CNTLN: variants seen among roughly 807,000 people sequenced by gnomAD.
The protein encoded by CNTLN is centlein, centrosomal protein.
CNTLN carries 212 observed loss-of-function variants against 180.0 expected under a neutral mutation model. The ratio of observed to expected loss-of-function variants is 1.18; its 90% CI spans 1.05 to 1.32. The LOEUF (loss-of-function observed/expected upper bound fraction) is 1.32. Among genes scored for constraint, CNTLN ranks in the 40% most tolerant of loss-of-function variants. CNTLN has a pLI of 0.00. For missense variants in CNTLN, 2,095 were observed against 1,610.9 expected, an observed-to-expected ratio of 1.30 and a Z score of -5.14; for synonymous variants, 722 against 563.1, an observed-to-expected ratio of 1.28 and a Z score of -3.99.
chr9:17,485,844 C>A (rs1368113976), intron 24 of CNTLN, among the ~76,000 whole-genome samples: 1 of 152,042 alleles, frequency 6.6e-6, no homozygotes, highest in Non-Finnish European at 1.5e-5. Context: ...AAAAAAAGCC[C>A]TCTTTGAATG....
At chr9:17,182,058 T>A (rs1563856148) in intron 2 of CNTLN, among the ~76,000 whole-genome samples, 3 of 152,164 alleles carry the variant, frequency 2.0e-5, no homozygotes, top group Non-Finnish European at 4.4e-5. Flanking sequence ...CTGAAATTCT[T>A]CTGGCAGCAA....
intron 2 of CNTLN, among the ~76,000 whole-genome samples, chr9:17,171,238 G>C (rs748442732): frequency 6.6e-6 from 1 of 151,986 alleles, no homozygotes; most frequent in Non-Finnish European, 1.5e-5. Flanking sequence ...TGGTTTTTTT[G>C]TGTTTGTTGC....
chr9:17,464,940 A>G (rs1831660512), intron 21 of CNTLN, among the ~76,000 whole-genome samples: 1 of 151,234 alleles, frequency 6.6e-6, no homozygotes, highest in African/African-American at 2.4e-5. Context: ...AATTTATGAT[A>G]GAATCAAGCT....
chr9:17,354,076 C>T (rs974969531), intron 12 of CNTLN, among the ~76,000 whole-genome samples: 5 of 152,226 alleles, frequency 3.3e-5, no homozygotes, highest in Admixed American at 6.5e-5. Context: ...ACTTAGCACC[C>T]GGGCCAGTGG....
intron 2 of CNTLN, among the ~76,000 whole-genome samples, chr9:17,203,202 T>A (rs879807051): frequency 2.6e-5 from 4 of 152,202 alleles, no homozygotes; most frequent in Non-Finnish European, 5.9e-5. Context: ...TGCAGAGAGA[T>A]CCACTGTTAG....
At chr9:17,220,310 G>A (rs944816861) in intron 2 of CNTLN, among the ~76,000 whole-genome samples, 3 of 152,016 alleles carry the variant, frequency 2.0e-5, no homozygotes, top group African/African-American at 2.4e-5. Flanking sequence ...AGTATTATCC[G>A]TATCTCATTT....
rs181574204 is a variant in CNTLN, at chr9:17,290,863, C to T, written c.984-7327C>T. ...GGTGAGGCAATGCCTCGCCCTGCTT[C>T]GGCTCGCGCATGGTGCGTGCACCCA... On this transcript the variant is annotated intron_variant, in intron 6 of 25. Transcript: ENST00000380647. Among the ~76,000 whole-genome samples, 69 of 152,348 alleles carry T rather than the reference C, an allele frequency of 4.5e-4. 1 individual carries two copies. The highest frequency in any genetic ancestry group is 3.6e-3 in the Admixed American group (55 of 15,304).
chr9:17,467,750 G>C (rs926438689), intron 23 of CNTLN, among the ~76,000 whole-genome samples: 1 of 151,512 alleles, frequency 6.6e-6, no homozygotes, highest in African/African-American at 2.4e-5. Flanking sequence ...TTAACTTATA[G>C]TGAACACTTT....
intron 8 of CNTLN, among the ~76,000 whole-genome samples, chr9:17,312,365 T>TAATATATATATATATATATA (rs1563984868): frequency 2.8e-4 from 2 of 7,214 alleles, no homozygotes; most frequent in African/African-American, 4.6e-4. Flanking sequence ...ATATATATAT[T>TAATATATATATATATATATA]ATATATATAT....
At chr9:17,400,462 C>T (rs1826884656) in intron 15 of CNTLN, among the ~76,000 whole-genome samples, 1 of 152,102 alleles carries the variant, frequency 6.6e-6, no homozygotes, top group Non-Finnish European at 1.5e-5. Flanking sequence ...TAGAGTATAT[C>T]TTAGGGATTA....
chr9:17,171,183 T>C (rs1820398184), intron 2 of CNTLN, among the ~76,000 whole-genome samples: 1 of 150,456 alleles, frequency 6.6e-6, no homozygotes, highest in African/African-American at 2.5e-5. Flanking sequence ...AAAATTGTCA[T>C]TTTGTTTTTT....
chr9:17,386,668 G>A (rs1247310646), intron 13 of CNTLN, among the ~76,000 whole-genome samples: 1 of 152,144 alleles, frequency 6.6e-6, no homozygotes, highest in Non-Finnish European at 1.5e-5. Flanking sequence ...AGGTGAACAT[G>A]GTTAGCCAAT....
chr9:17,274,154 C>G (rs1041842232), intron 6 of CNTLN, among the ~76,000 whole-genome samples: 3 of 151,946 alleles, frequency 2.0e-5, no homozygotes, highest in African/African-American at 4.8e-5. Context: ...ACATTTCTAG[C>G]CATGTGTTAC....
At chr9:17,322,627 T>A (rs1306289279) in intron 8 of CNTLN, among the ~76,000 whole-genome samples, 1 of 152,146 alleles carries the variant, frequency 6.6e-6, no homozygotes, top group Non-Finnish European at 1.5e-5. Context: ...TTTTTTTTCC[T>A]ACTATTATTC....
chr9:17,193,325 C>A (rs1439286765), intron 2 of CNTLN, among the ~76,000 whole-genome samples: 1 of 152,168 alleles, frequency 6.6e-6, no homozygotes, highest in Admixed American at 6.5e-5. Context: ...TCATCTGAGA[C>A]AAGACAAATC....
At chr9:17,328,417 G>C (rs575889354) in intron 8 of CNTLN, among the ~76,000 whole-genome samples, 1 of 152,208 alleles carries the variant, frequency 6.6e-6, no homozygotes, top group East Asian at 1.9e-4. Context: ...AGCAACAGTG[G>C]GGCACATTCT....
At chr9:17,488,925 C>A (rs1833014469) in intron 25 of CNTLN, among the ~76,000 whole-genome samples, 2 of 152,128 alleles carry the variant, frequency 1.3e-5, no homozygotes, top group African/African-American at 2.4e-5. Flanking sequence ...GCATCATGTG[C>A]CTTTAGATCA....
At chr9:17,144,473 C>T (rs143981006) in intron 2 of CNTLN, among the ~76,000 whole-genome samples, 76 of 152,112 alleles carry the variant, frequency 5.0e-4, no homozygotes, top group African/African-American at 1.6e-3. Flanking sequence ...TTGTCATTTC[C>T]GTGATTCTTT....
chr9:17,221,397 T>C (rs977336906), intron 2 of CNTLN, among the ~76,000 whole-genome samples: 1 of 152,100 alleles, frequency 6.6e-6, no homozygotes, highest in Admixed American at 6.5e-5. Flanking sequence ...TATTTTATTA[T>C]TAATATAAGA....
Sources: gnomAD v4.1 joint callset for allele counts (sites outside exome capture counted in the v4.1 genomes callset) on GRCh38, gnomAD v4.1.1 for gene constraint, MANE v1.5 for transcripts, NCBI Gene and HGNC (gene_info 2026-07-23, HGNC 2026-07-21) for gene names.